The following STS variants were observed in gnomAD, a reference collection of about 807,000 sequenced individuals.
STS encodes steryl-sulfatase.
A neutral mutation model predicts 26.8 loss-of-function variants in STS; 7 were observed. The observed-to-expected ratio is 0.26, with a 90% CI of 0.15 to 0.49. The LOEUF (loss-of-function observed/expected upper bound fraction) is 0.49. STS is among the 20% of genes least tolerant of loss of function. The probability of loss-of-function intolerance (pLI) is 0.98; values close to 1 mark genes in which losing one functional copy is unlikely to be tolerated. For missense variants in STS, 434 were observed against 465.6 expected (o/e 0.93, Z 0.63); for synonymous variants, 199 against 189.4 (o/e 1.05, Z -0.42).
chrX:7,260,747 A>T (rs780770411), intron 6 of STS, among the ~76,000 whole-genome samples: 4 of 111,964 alleles, frequency 3.6e-5, no homozygotes, highest in Non-Finnish European at 7.5e-5. Context: ...CCATCAAGAG[A>T]GGCAAGATAA....
At chrX:7,332,603 G>T (rs1289743077) in intron 9 of STS, among the ~76,000 whole-genome samples, 2 of 110,711 alleles carry the variant, frequency 1.8e-5, no homozygotes, top group Non-Finnish European at 3.8e-5. Flanking sequence ...CACCACTGGG[G>T]GCTTTTCCTG....
chrX:7,292,443 T>C (rs1380602180), intron 7 of STS, among the ~76,000 whole-genome samples: 1 of 112,303 alleles, frequency 8.9e-6, no homozygotes, highest in Non-Finnish European at 1.9e-5. Context: ...CATCCACAAG[T>C]GGTGTTACTG....
chrX:7,302,326 A>G (rs1161076195), intron 7 of STS, among the ~76,000 whole-genome samples: 2 of 111,028 alleles, frequency 1.8e-5, no homozygotes, highest in Admixed American at 9.6e-5. Context: ...GTTTCCTTCT[A>G]TTTCAACTCA....
chrX:7,215,267 T>C (rs1921263230), intron 2 of STS, among the ~76,000 whole-genome samples: 1 of 107,472 alleles, frequency 9.3e-6, no homozygotes, highest in Non-Finnish European at 1.9e-5. Flanking sequence ...AAGTATCTTT[T>C]TTGTATAATG....
At chrX:7,336,007 T>C (rs1183192725) in intron 10 of STS, among the ~76,000 whole-genome samples, 7 of 112,004 alleles carry the variant, frequency 6.2e-5, no homozygotes, top group Non-Finnish European at 1.9e-5. Flanking sequence ...TTTTGGTTAC[T>C]GTAGCCTTGT....
intron 2 of STS, among the ~76,000 whole-genome samples, chrX:7,197,852 A>G (rs1424477045): frequency 9.0e-6 from 1 of 111,435 alleles, no homozygotes; most frequent in Non-Finnish European, 1.9e-5. Flanking sequence ...AAACCCCTCT[A>G]ACACTACTGT....
At chrX:7,220,288 A>G (rs1921492316) in intron 2 of STS, among the ~76,000 whole-genome samples, 1 of 111,180 alleles carries the variant, frequency 9.0e-6, no homozygotes. Flanking sequence ...TCCCCGACAG[A>G]TGCGGCTTTT....
chrX:7,282,061 G>A (rs1224680200), intron 7 of STS, among the ~76,000 whole-genome samples: 2 of 112,726 alleles, frequency 1.8e-5, no homozygotes, highest in African/African-American at 6.4e-5. Flanking sequence ...CCTGCACACA[G>A]GGAGCATCAC....
At chrX:7,193,617 TC>T (rs1933918737) in intron 2 of STS, among the ~76,000 whole-genome samples, 1 of 111,585 alleles carries the variant, frequency 9.0e-6, no homozygotes, top group South Asian at 3.8e-4. Context: ...CATTATCCTT[TC>T]CTAATGTTCT....
chrX:7,337,935 CT>C (rs1928109589), intron 10 of STS, among the ~76,000 whole-genome samples: 1 of 111,953 alleles, frequency 8.9e-6, no homozygotes, highest in African/African-American at 3.2e-5. Flanking sequence ...AAACTTAATG[CT>C]AGGATTTCAT....
intron 6 of STS, among the ~76,000 whole-genome samples, chrX:7,269,400 G>A (rs1422930978): frequency 9.4e-6 from 1 of 106,608 alleles, no homozygotes; most frequent in Non-Finnish European, 1.9e-5. Flanking sequence ...AAGCCTACAT[G>A]TTTATGGAAA....
chrX:7,245,475 C>G (rs1383973609), intron 2 of STS, among the ~76,000 whole-genome samples: 5 of 112,152 alleles, frequency 4.5e-5, no homozygotes, highest in Non-Finnish European at 7.5e-5. Context: ...CACATGGTGT[C>G]TACAGTCTAA....
intron 1 of STS, among the ~76,000 whole-genome samples, chrX:7,162,882 TAAAAAAAA>T (rs758518020): frequency 2.4e-4 from 12 of 49,771 alleles, no homozygotes; most frequent in East Asian, 2.0e-3. Context: ...CCGTCTATAC[TAAAAAAAA>T]AAAAAAAAAA....
intron 9 of STS, among the ~76,000 whole-genome samples, chrX:7,327,509 G>A (rs771486506): frequency 6.5e-5 from 7 of 108,527 alleles, no homozygotes; most frequent in Non-Finnish European, 9.5e-5. Flanking sequence ...CCAGCCTCCC[G>A]AGTAGTTGGG....
intron 2 of STS, among the ~76,000 whole-genome samples, chrX:7,219,113 A>G (rs1314473535): frequency 3.6e-5 from 4 of 112,060 alleles, no homozygotes; most frequent in Non-Finnish European, 7.5e-5. Context: ...AGAATAGCTT[A>G]AACTATCTTT....
Position 7,303,619 on chromosome X carries a change from A to G in STS, c.944-1427A>G, listed in dbSNP as rs753785000. 7.2e-5 allele frequency among the ~76,000 whole-genome samples: 8 copies of G among 111,527 alleles called. No homozygotes were observed. The South Asian group carries it at 3.1e-3, about 43-fold the overall frequency. On this transcript the variant is annotated intron_variant, in intron 7 of 10. Coordinates refer to ENST00000674429, the MANE Select transcript of STS (RefSeq NM_001320752.2). Reference sequence around the variant, plus strand: ...ACATTAAGAAATGGAGTCAGGCTCTAATATACCAGTCAAAGCCTAGCAGTA... The same window carrying G: ...ACATTAAGAAATGGAGTCAGGCTCTGATATACCAGTCAAAGCCTAGCAGTA...
chrX:7,237,241 G>T, intron 2 of STS, among the ~76,000 whole-genome samples: 1 of 105,753 alleles, frequency 9.5e-6, no homozygotes, highest in African/African-American at 3.5e-5. Flanking sequence ...CAAGTTCTTA[G>T]GAGAGAAAAA....
chrX:7,278,564 G>A (rs1924652062), intron 7 of STS, among the ~76,000 whole-genome samples: 2 of 112,134 alleles, frequency 1.8e-5, no homozygotes, highest in African/African-American at 6.5e-5. Flanking sequence ...TCTACTGCCC[G>A]TGATTGTGGC....
At chrX:7,309,490 A>G (rs1926379539) in intron 8 of STS, among the ~76,000 whole-genome samples, 2 of 110,864 alleles carry the variant, frequency 1.8e-5, no homozygotes, top group South Asian at 3.9e-4. Flanking sequence ...CCAAACCCCC[A>G]TGACATGAGT....
Sources: gnomAD v4.1 joint callset for allele counts (sites outside exome capture counted in the v4.1 genomes callset) on GRCh38, gnomAD v4.1.1 for gene constraint, MANE v1.5 for transcripts, NCBI Gene and HGNC (gene_info 2026-07-23, HGNC 2026-07-21) for gene names.